CNTNAP2: variants seen among roughly 807,000 people sequenced by gnomAD.
CNTNAP2 encodes contactin-associated protein-like 2.
Under a neutral mutation model 155.2 loss-of-function variants are expected in CNTNAP2, and 98 were observed. The observed-to-expected ratio is 0.63, with a 90% CI of 0.54 to 0.75. The LOEUF is 0.75. CNTNAP2 is among the 30% of genes least tolerant of loss of function. The pLI, the probability that CNTNAP2 is intolerant of heterozygous loss-of-function variation, is 0.00. For missense variants in CNTNAP2, 1,727 were observed against 1,688.1 expected (o/e 1.02, Z -0.40); for synonymous variants, 651 against 631.2 (o/e 1.03, Z -0.47).
intron 1 of CNTNAP2, among the ~76,000 whole-genome samples, chr7:146,160,197 G>T (rs1291298504): frequency 6.6e-6 from 1 of 152,186 alleles, no homozygotes; most frequent in Non-Finnish European, 1.5e-5. Context: ...AAAGCAGTGT[G>T]TGCAGGGAAA....
intron 13 of CNTNAP2, among the ~76,000 whole-genome samples, chr7:147,667,708 C>T (rs1795718722): frequency 6.6e-6 from 1 of 151,908 alleles, no homozygotes; most frequent in Admixed American, 6.6e-5. Flanking sequence ...CCAAACACCA[C>T]CTCTTTGATT....
intron 1 of CNTNAP2, among the ~76,000 whole-genome samples, chr7:146,332,160 ATAAC>A (rs1372556761): frequency 6.6e-6 from 1 of 151,808 alleles, no homozygotes; most frequent in Non-Finnish European, 1.5e-5. Flanking sequence ...AATTTATTAT[ATAAC>A]TAAATTTAAA....
intron 3 of CNTNAP2, among the ~76,000 whole-genome samples, chr7:146,847,068 A>ACGTTGAACTCAATGCTAATTTTTT (rs1562971381): frequency 1.3e-5 from 2 of 151,990 alleles, no homozygotes; most frequent in African/African-American, 4.8e-5. Flanking sequence ...AATTTTTTTT[A>ACGTTGAACTCAATGCTAATTTTTT]TCGTGTCAAG....
At chr7:146,308,011 A>C (rs1800746872) in intron 1 of CNTNAP2, among the ~76,000 whole-genome samples, 2 of 152,178 alleles carry the variant, frequency 1.3e-5, no homozygotes, top group Non-Finnish European at 2.9e-5. Flanking sequence ...TCTGCACAGC[A>C]AAAGAAACTA....
At chr7:147,823,364 G>A (rs1312416920) in intron 13 of CNTNAP2, among the ~76,000 whole-genome samples, 1 of 152,036 alleles carries the variant, frequency 6.6e-6, no homozygotes, top group Non-Finnish European at 1.5e-5. Context: ...ACTCCCTAGG[G>A]CCTTGTTCTT....
At position 147,128,712 on chromosome 7, in the gene CNTNAP2, C is replaced by G. The variant is rs765754117; in HGVS notation, c.959C>G (p.Pro320Arg). The change falls in exon 7 of 24, where the codon CCT (proline) becomes CGT (arginine). Residue 320 changes from proline (P) to arginine (R), a missense_variant. Coordinates refer to ENST00000361727, the MANE Select transcript of CNTNAP2 (RefSeq NM_014141.6). ...TCAAAGATAACCTTTGGAGGCATCC[C>G]TTTCTCTGGCAAGCCCAGCTCCAGC... ...LDYEITFGGI[P>R]FSGKPSSSSR... is the part of the protein sequence containing the mutation. 4 of 1,613,886 alleles carry G rather than the reference C, an allele frequency of 2.5e-6. No individual in the cohort carries two copies. Among genetic ancestry groups the G allele is most frequent in the African/African-American group, 2.7e-5 (2 of 74,894 alleles).
At chr7:147,338,539 A>G (rs1331277276) in intron 9 of CNTNAP2, among the ~76,000 whole-genome samples, 1 of 152,172 alleles carries the variant, frequency 6.6e-6, no homozygotes, top group Non-Finnish European at 1.5e-5. Context: ...GTTTTGTCAC[A>G]GAACTGTTAG....
At chr7:146,246,353 C>T (rs776639843) in intron 1 of CNTNAP2, among the ~76,000 whole-genome samples, 12 of 150,680 alleles carry the variant, frequency 8.0e-5, no homozygotes, top group Non-Finnish European at 1.3e-4. Context: ...TAAAGTGTCT[C>T]GGCCTAATAA....
At chr7:146,351,428 A>T (rs1408411477) in intron 1 of CNTNAP2, among the ~76,000 whole-genome samples, 1 of 152,170 alleles carries the variant, frequency 6.6e-6, no homozygotes, top group Non-Finnish European at 1.5e-5. Context: ...AGAAAAATCA[A>T]TTTGTAAGAA....
At chr7:147,046,311 A>G (rs1373376512) in intron 4 of CNTNAP2, among the ~76,000 whole-genome samples, 1 of 152,068 alleles carries the variant, frequency 6.6e-6, no homozygotes, top group Admixed American at 6.5e-5. Flanking sequence ...CCTGATTTGT[A>G]TCACCAAAGA....
chr7:148,021,611 G>A (rs1417514163), intron 15 of CNTNAP2, among the ~76,000 whole-genome samples: 1 of 152,222 alleles, frequency 6.6e-6, no homozygotes, highest in African/African-American at 2.4e-5. Flanking sequence ...ATCTCCACCT[G>A]CGAGAGACGG....
intron 1 of CNTNAP2, among the ~76,000 whole-genome samples, chr7:146,589,624 G>T (rs533695360): frequency 2.6e-5 from 4 of 151,966 alleles, no homozygotes; most frequent in Non-Finnish European, 5.9e-5. Flanking sequence ...GGGAGGGATA[G>T]TATTAGGAGA....
chr7:146,448,733 T>G (rs1796437209), intron 1 of CNTNAP2, among the ~76,000 whole-genome samples: 1 of 152,068 alleles, frequency 6.6e-6, no homozygotes, highest in Non-Finnish European at 1.5e-5. Flanking sequence ...GTAATGTCGA[T>G]CACACATAAT....
At chr7:148,135,757 G>A (rs1289070677) in intron 16 of CNTNAP2, among the ~76,000 whole-genome samples, 2 of 148,854 alleles carry the variant, frequency 1.3e-5, no homozygotes, top group Non-Finnish European at 3.0e-5. Flanking sequence ...GCTGAGGCAG[G>A]AGAATAGTTT....
chr7:146,455,398 G>T (rs1312775377), intron 1 of CNTNAP2, among the ~76,000 whole-genome samples: 1 of 151,958 alleles, frequency 6.6e-6, no homozygotes, highest in Non-Finnish European at 1.5e-5. Context: ...TTTTCCCAGG[G>T]CTAAGTACCC....
intron 1 of CNTNAP2, among the ~76,000 whole-genome samples, chr7:146,591,277 C>T (rs1435314440): frequency 1.3e-5 from 2 of 151,844 alleles, no homozygotes; most frequent in African/African-American, 2.4e-5. Flanking sequence ...ACTTTTTGTC[C>T]CAAGCATTTC....
chr7:146,911,109 T>C (rs1050155421), intron 3 of CNTNAP2, among the ~76,000 whole-genome samples: 156 of 152,086 alleles, frequency 1.0e-3, no homozygotes, highest in Admixed American at 2.0e-3. Context: ...CTATGAGATA[T>C]CATCTCACAC....
intron 13 of CNTNAP2, among the ~76,000 whole-genome samples, chr7:147,656,032 C>T (rs770159216): frequency 1.3e-5 from 2 of 152,218 alleles, no homozygotes; most frequent in South Asian, 2.1e-4. Context: ...TCTCACATTA[C>T]GAAGAAGGCT....
chr7:147,356,998 A>T (rs971171308), intron 9 of CNTNAP2, among the ~76,000 whole-genome samples: 7 of 152,054 alleles, frequency 4.6e-5, no homozygotes, highest in African/African-American at 1.7e-4. Context: ...TTGAAATTAT[A>T]TCCTTGTCTT....
Sources: gnomAD v4.1 joint callset for allele counts (sites outside exome capture counted in the v4.1 genomes callset) on GRCh38, gnomAD v4.1.1 for gene constraint, MANE v1.5 for transcripts, NCBI Gene and HGNC (gene_info 2026-07-23, HGNC 2026-07-21) for gene names.